SLAMF1: variants seen among roughly 807,000 people sequenced by gnomAD.
SLAMF1 encodes signaling lymphocytic activation molecule.
SLAMF1 carries 18 observed loss-of-function variants against 35.1 expected under a neutral mutation model. The ratio of observed to expected loss-of-function variants is 0.51; its 90% confidence interval spans 0.35 to 0.76. The LOEUF is 0.76. Ranked by LOEUF, SLAMF1 falls within the 30% of genes least tolerant of loss-of-function variation. SLAMF1 has a pLI of 0.01. For missense variants in SLAMF1, 392 were observed against 413.0 expected (o/e 0.95, Z 0.44); for synonymous variants, 168 against 157.2 (o/e 1.07, Z -0.51).
At chr1:160,614,830 C>T (rs1659204862) in intron 5 of SLAMF1, among the ~76,000 whole-genome samples, 1 of 152,114 alleles carries the variant, frequency 6.6e-6, no homozygotes, top group Admixed American at 6.5e-5. Flanking sequence ...TTATTTTAAA[C>T]ATAAATATAA....
chr1:160,638,837 A>G (rs1043206458), intron 1 of SLAMF1, among the ~76,000 whole-genome samples: 1 of 152,234 alleles, frequency 6.6e-6, no homozygotes, highest in African/African-American at 2.4e-5. Flanking sequence ...AGGGAACAAC[A>G]TACTCTCCCG....
chr1:160,620,852 T>C (rs1659572620), intron 4 of SLAMF1, among the ~76,000 whole-genome samples: 1 of 152,248 alleles, frequency 6.6e-6, no homozygotes, highest in South Asian at 2.1e-4. Context: ...GTGACTAATG[T>C]CACTGAATTT....
intron 4 of SLAMF1, among the ~76,000 whole-genome samples, chr1:160,620,544 T>A (rs976594193): frequency 9.9e-5 from 15 of 152,210 alleles, no homozygotes; most frequent in Admixed American, 9.8e-4. Context: ...TTTTAAATTA[T>A]AGGAGTAATT....
chr1:160,641,877 C>T (rs962785662), intron 1 of SLAMF1, among the ~76,000 whole-genome samples: 2 of 152,188 alleles, frequency 1.3e-5, no homozygotes, highest in Non-Finnish European at 2.9e-5. Flanking sequence ...TAGCTGTTAA[C>T]ACCAACTCAC....
chr1:160,639,452 C>T (rs768205870), intron 1 of SLAMF1, among the ~76,000 whole-genome samples: 4 of 152,140 alleles, frequency 2.6e-5, no homozygotes, highest in Admixed American at 6.5e-5. Context: ...GTTTCGAACT[C>T]CTGACCTCAA....
intron 3 of SLAMF1, among the ~76,000 whole-genome samples, chr1:160,624,837 C>T (rs1452238451): frequency 1.3e-5 from 2 of 152,160 alleles, no homozygotes; most frequent in Non-Finnish European, 2.9e-5. Context: ...CCTTTACCCA[C>T]TTTATCAAAT....
chr1:160,622,283 T>G (rs1659657110), intron 4 of SLAMF1, among the ~76,000 whole-genome samples: 1 of 152,316 alleles, frequency 6.6e-6, no homozygotes, highest in East Asian at 1.9e-4. Context: ...GCCTTAAAAT[T>G]AGGACATCTA....
At chr1:160,637,637 T>A in intron 1 of SLAMF1, 108 bp from the exon 2 acceptor site, 1 of 790,908 alleles carries the variant, frequency 1.3e-6, no homozygotes, top group Non-Finnish European at 2.0e-6. Flanking sequence ...CCTCTTTGGC[T>A]ATCCCTGGGG....
At chr1:160,622,610 G>A (rs138253404) in intron 4 of SLAMF1, among the ~76,000 whole-genome samples, 3 of 152,068 alleles carry the variant, frequency 2.0e-5, no homozygotes, top group African/African-American at 7.2e-5. Context: ...ATCACCCATC[G>A]ATGGGAACCA....
intron 1 of SLAMF1, 73 bp from the exon 2 acceptor site, chr1:160,637,602 G>C: frequency 9.2e-7 from 1 of 1,087,550 alleles, no homozygotes; most frequent in Non-Finnish European, 1.3e-6. Flanking sequence ...AGATCAGGAA[G>C]GACAGACTGG....
At chr1:160,618,546 T>C (rs1570972084) in intron 5 of SLAMF1, among the ~76,000 whole-genome samples, 1 of 152,112 alleles carries the variant, frequency 6.6e-6, no homozygotes, top group Non-Finnish European at 1.5e-5. Context: ...CCTAGGTGTA[T>C]AGTGGCTACA....
At chr1:160,615,038 G>A (rs1431357748) in intron 5 of SLAMF1, among the ~76,000 whole-genome samples, 1 of 151,856 alleles carries the variant, frequency 6.6e-6, no homozygotes, top group East Asian at 1.9e-4. Flanking sequence ...GTAAACACTT[G>A]TTTAGTGATT....
At chr1:160,625,985 G>A (rs1042752258) in intron 3 of SLAMF1, among the ~76,000 whole-genome samples, 5 of 152,060 alleles carry the variant, frequency 3.3e-5, no homozygotes, top group African/African-American at 9.7e-5. Context: ...TTTGTGTTTC[G>A]TCAGCCTATG....
rs546583376 is a variant in SLAMF1 at position 160,635,794 on chromosome 1, T to C, written c.416-897A>G. 2.3e-3 allele frequency among the ~76,000 whole-genome samples: 352 copies of C among 151,772 alleles called. 1 individual carries two copies. The highest frequency in any genetic ancestry group is 5.3e-3 in the Admixed American group (81 of 15,250). On this transcript the variant is annotated intron_variant, in intron 2 of 6. Coordinates refer to ENST00000302035, the MANE Select transcript of SLAMF1 (RefSeq NM_003037.5). The stretch of plus-strand genomic sequence containing the variant: ...TGGGGTTTCACCACCATAGCCAGGA[T>C]GGTCTCGATCTCCTGACCTTGTGAT...
At chr1:160,635,571 CTTT>C (rs36085536) in intron 2 of SLAMF1, among the ~76,000 whole-genome samples, 8 of 136,876 alleles carry the variant, frequency 5.8e-5, no homozygotes, top group Admixed American at 2.2e-4. Context: ...CATTCATCAT[CTTT>C]TTTTTTTTTT....
At chr1:160,640,339 T>C (rs868493903) in intron 1 of SLAMF1, among the ~76,000 whole-genome samples, 37 of 130,828 alleles carry the variant, frequency 2.8e-4, no homozygotes, top group South Asian at 9.0e-4. Flanking sequence ...TATATATATA[T>C]ATATATATAT....
chr1:160,636,883 A>G (rs1267298612), intron 2 of SLAMF1: 2 of 337,078 alleles, frequency 5.9e-6, no homozygotes, highest in Non-Finnish European at 1.1e-5. Context: ...CAAATAAAAT[A>G]TTACTTGCAA....
chr1:160,614,575 CA>C lies in SLAMF1; in HGVS notation c.865-1996del, dbSNP rs58447871. Among the ~76,000 whole-genome samples, 551 of 140,658 alleles carry C rather than the reference CA, an allele frequency of 3.9e-3. 6 individuals carry two copies. The highest frequency in any genetic ancestry group is 0.026 in the East Asian group (129 of 4,932). The allele number at this position is 140,658 out of a possible 152,430, so 92.3% of individuals were successfully genotyped here. A position where few individuals can be genotyped will look rare whatever the true frequency, so the allele number is the denominator to read the frequency against. On this transcript the variant is annotated intron_variant, in intron 5 of 6. Transcript: ENST00000302035. ...GCGACAGAGTGAGACTCCGCATCAC[CA>C]AAAAAAAAAAAAAAAGAAGAGAGAC...
chr1:160,623,462 G>T (rs1384311315), intron 4 of SLAMF1: 1 of 398,380 alleles, frequency 2.5e-6, no homozygotes, highest in Non-Finnish European at 4.4e-6. Context: ...AATGAAATCA[G>T]TCATCAGCTC....
Sources: gnomAD v4.1 joint callset for allele counts (sites outside exome capture counted in the v4.1 genomes callset) on GRCh38, gnomAD v4.1.1 for gene constraint, MANE v1.5 for transcripts, NCBI Gene and HGNC (gene_info 2026-07-23, HGNC 2026-07-21) for gene names.